GREM2: variants seen among roughly 807,000 people sequenced by gnomAD.
GREM2 encodes gremlin 2, DAN family BMP antagonist.
A neutral mutation model predicts 14.2 loss-of-function variants in GREM2; 11 were observed. The ratio of observed to expected loss-of-function variants is 0.78; its 90% CI spans 0.49 to 1.28. GREM2 has a LOEUF of 1.28. Among genes scored for constraint, GREM2 ranks in the 50% most tolerant of loss-of-function variants. The pLI, the probability that GREM2 is intolerant of heterozygous loss-of-function variation, is 0.00. For missense variants in GREM2, 210 were observed against 218.5 expected, an observed-to-expected ratio of 0.96 and a Z score of 0.24; for synonymous variants, 98 against 97.6, an observed-to-expected ratio of 1.00 and a Z score of -0.02.
At chr1:240,561,693 T>TACACACACACACACACAC (rs541661990) in intron 1 of GREM2, among the ~76,000 whole-genome samples, 1 of 145,630 alleles carries the variant, frequency 6.9e-6, no homozygotes, top group African/African-American at 2.5e-5. Flanking sequence ...TAATCCTGCA[T>TACACACACACACACACAC]ACACACACAC....
chr1:240,551,537 C>T (rs927609018), intron 1 of GREM2, among the ~76,000 whole-genome samples: 4 of 151,966 alleles, frequency 2.6e-5, no homozygotes, highest in Admixed American at 6.6e-5. Context: ...GTAGTAGAGA[C>T]GGGGTTTCAC....
intron 1 of GREM2, among the ~76,000 whole-genome samples, chr1:240,525,034 G>A (rs144060429): frequency 4.2e-3 from 182 of 43,650 alleles, no homozygotes; most frequent in African/African-American, 0.014. Flanking sequence ...CTACTTCCTC[G>A]GGAACCTCAG....
chr1:240,514,652 A>G (rs1677911906), intron 1 of GREM2, among the ~76,000 whole-genome samples: 1 of 152,178 alleles, frequency 6.6e-6, no homozygotes, highest in African/African-American at 2.4e-5. Context: ...TAATCCCAGC[A>G]CTTCAAGACG....
intron 1 of GREM2, among the ~76,000 whole-genome samples, chr1:240,505,553 T>C (rs1459363534): frequency 2.6e-5 from 4 of 152,184 alleles, no homozygotes; most frequent in African/African-American, 7.2e-5. Flanking sequence ...AAAATATTTA[T>C]GCTATTTTGC....
chr1:240,561,075 A>T (rs1379959764), intron 1 of GREM2, among the ~76,000 whole-genome samples: 1 of 152,202 alleles, frequency 6.6e-6, no homozygotes, highest in African/African-American at 2.4e-5. Flanking sequence ...TAATTGATTA[A>T]GGTGAGATAA....
chr1:240,524,320 T>A (rs1296348866), intron 1 of GREM2, among the ~76,000 whole-genome samples: 4 of 152,242 alleles, frequency 2.6e-5, no homozygotes, highest in African/African-American at 9.6e-5. Context: ...GCTCAATGGA[T>A]TTTTTAGAGG....
chr1:240,552,325 A>G (rs986900752), intron 1 of GREM2, among the ~76,000 whole-genome samples: 1 of 152,206 alleles, frequency 6.6e-6, no homozygotes, highest in Non-Finnish European at 1.5e-5. Flanking sequence ...TTGTGCCTGT[A>G]ATCCCAGTGC....
At chr1:240,550,404 A>AAAAC (rs55872733) in intron 1 of GREM2, 15,622 of 151,706 alleles carry the variant, frequency 0.1, 883 homozygotes, top group Admixed American at 0.13. Flanking sequence ...ATGATTTGTT[A>AAAAC]AAACAAACAA....
At chr1:240,561,667 C>T (rs997634894) in intron 1 of GREM2, among the ~76,000 whole-genome samples, 1 of 149,656 alleles carries the variant, frequency 6.7e-6, no homozygotes, top group African/African-American at 2.5e-5. Flanking sequence ...GGAATTTTGT[C>T]ATTAGTCACA....
chr1:240,603,167 G>C (rs1186530051), intron 1 of GREM2, among the ~76,000 whole-genome samples: 1 of 152,178 alleles, frequency 6.6e-6, no homozygotes, highest in Non-Finnish European at 1.5e-5. Flanking sequence ...CAGATAGGCT[G>C]TGACTCCAGG....
At chr1:240,565,859 AAAAC>A (rs1679169104) in intron 1 of GREM2, among the ~76,000 whole-genome samples, 1 of 149,856 alleles carries the variant, frequency 6.7e-6, no homozygotes, top group African/African-American at 2.4e-5. Flanking sequence ...AAAAAAAAAA[AAAAC>A]AAAACAAAAC....
intron 1 of GREM2, among the ~76,000 whole-genome samples, chr1:240,500,241 C>T: frequency 6.6e-6 from 1 of 152,084 alleles, no homozygotes; most frequent in Non-Finnish European, 1.5e-5. Context: ...TTCGTCGTTC[C>T]TGTTGATGCT....
intron 1 of GREM2, among the ~76,000 whole-genome samples, chr1:240,552,080 T>C (rs77257682): frequency 0.035 from 5,332 of 152,266 alleles, 197 homozygotes; most frequent in African/African-American, 0.092. Context: ...TGACCTTCCA[T>C]AGAGAACACA....
At chr1:240,575,872 T>A (rs1219035427) in intron 1 of GREM2, among the ~76,000 whole-genome samples, 2 of 138,912 alleles carry the variant, frequency 1.4e-5, no homozygotes, top group African/African-American at 5.5e-5. Flanking sequence ...AAGAACAACA[T>A]CAGAGCTTTG....
intron 1 of GREM2, among the ~76,000 whole-genome samples, chr1:240,561,883 T>C (rs994839338): frequency 6.6e-6 from 1 of 152,190 alleles, no homozygotes; most frequent in Admixed American, 6.6e-5. Context: ...AAGAAGCTTT[T>C]CCAAAATTAC....
intron 1 of GREM2, among the ~76,000 whole-genome samples, chr1:240,529,583 TA>T (rs1020517016): frequency 1.0e-3 from 156 of 151,238 alleles, no homozygotes; most frequent in African/African-American, 2.7e-3. Context: ...GTCAGATGAA[TA>T]AAAAAAAAGA....
At chr1:240,592,746 G>A (rs1679736000) in intron 1 of GREM2, among the ~76,000 whole-genome samples, 1 of 152,144 alleles carries the variant, frequency 6.6e-6, no homozygotes, top group Non-Finnish European at 1.5e-5. Context: ...TGTTACAGAG[G>A]AGAAAACTGC....
intron 1 of GREM2, among the ~76,000 whole-genome samples, chr1:240,562,341 A>T (rs1248430467): frequency 6.6e-6 from 1 of 152,200 alleles, no homozygotes; most frequent in Non-Finnish European, 1.5e-5. Context: ...CTTTTACTAA[A>T]GTCCTTTTAC....
intron 1 of GREM2, among the ~76,000 whole-genome samples, chr1:240,604,309 A>ATGTG (rs61016634): frequency 0.19 from 21,978 of 116,466 alleles, 1,681 homozygotes; most frequent in Middle Eastern, 0.34. Context: ...AACTATACGT[A>ATGTG]TGTGTGTGTG....
Sources: allele counts gnomAD v4.1 joint callset (sites outside exome capture counted in the v4.1 genomes callset), GRCh38; gene constraint gnomAD v4.1.1; transcripts MANE v1.5; gene names NCBI Gene and HGNC (gene_info 2026-07-23, HGNC 2026-07-21).